Variants in TENM2 observed in about 807,000 individuals in gnomAD.
TENM2 encodes the protein teneurin transmembrane protein 2, also known as teneurin-2.
TENM2 carries 52 observed loss-of-function variants against 245.2 expected under a neutral mutation model. The ratio of observed to expected loss-of-function variants is 0.21; its 90% CI spans 0.17 to 0.27. The LOEUF (loss-of-function observed/expected upper bound fraction) is 0.27. Ranked by LOEUF, TENM2 falls within the 10% of genes least tolerant of loss-of-function variation. The pLI is 1.00. For missense variants in TENM2, 3,046 were observed against 3,666.8 expected, an observed-to-expected ratio of 0.83 and a Z score of 4.37; for synonymous variants, 1,363 against 1,438.9, an observed-to-expected ratio of 0.95 and a Z score of 1.19.
intron 1 of TENM2, among the ~76,000 whole-genome samples, chr5:167,343,881 A>G (rs1758278891): frequency 1.3e-5 from 2 of 152,206 alleles, no homozygotes; most frequent in South Asian, 2.1e-4. Flanking sequence ...GGGCAAATTC[A>G]CTGGGGAAAT....
the TENM2 span, among the ~76,000 whole-genome samples, chr5:166,988,808 C>T: frequency 6.6e-6 from 1 of 152,170 alleles, no homozygotes; most frequent in Non-Finnish European, 1.5e-5. Flanking sequence ...GCTGCTTGCA[C>T]AATGCCTGCA....
At chr5:167,095,832 G>A in the TENM2 span, among the ~76,000 whole-genome samples, 103 of 149,292 alleles carry the variant, frequency 6.9e-4, no homozygotes, top group African/African-American at 1.7e-3. Context: ...GTGCAATGGC[G>A]TGATCTCGGC....
At chr5:167,256,336 A>AC in the TENM2 span, among the ~76,000 whole-genome samples, 1 of 152,098 alleles carries the variant, frequency 6.6e-6, no homozygotes, top group African/African-American at 2.4e-5. Flanking sequence ...TCCAGTTGTT[A>AC]CCCCCATGAC....
chr5:168,260,061 C>T (rs1475956291), intron 27 of TENM2, among the ~76,000 whole-genome samples: 1 of 152,190 alleles, frequency 6.6e-6, no homozygotes. Context: ...TCTTCTTAAT[C>T]ACCACATGGT....
the TENM2 span, among the ~76,000 whole-genome samples, chr5:167,089,094 A>C: frequency 6.6e-6 from 1 of 152,226 alleles, no homozygotes; most frequent in Non-Finnish European, 1.5e-5. Flanking sequence ...TCAAATAAAA[A>C]TTTCTTGTAA....
chr5:167,077,252 G>A, the TENM2 span, among the ~76,000 whole-genome samples: 36 of 152,108 alleles, frequency 2.4e-4, no homozygotes, highest in African/African-American at 8.5e-4. Context: ...GGATGCCTGT[G>A]GTGTTTAAAC....
chr5:167,890,864 T>G (rs565489379), intron 3 of TENM2, among the ~76,000 whole-genome samples: 1 of 152,298 alleles, frequency 6.6e-6, no homozygotes, highest in Admixed American at 6.5e-5. Context: ...GCACACCATC[T>G]TTACTTTTAG....
At chr5:167,107,114 A>T in the TENM2 span, among the ~76,000 whole-genome samples, 2 of 148,128 alleles carry the variant, frequency 1.4e-5, no homozygotes, top group Admixed American at 6.8e-5. Context: ...AAAAAAAATT[A>T]GCCAGGCATG....
intron 2 of TENM2, among the ~76,000 whole-genome samples, chr5:167,705,672 A>G (rs772967456): frequency 3.9e-5 from 6 of 152,080 alleles, no homozygotes; most frequent in Non-Finnish European, 7.4e-5. Context: ...CTCCAAACTT[A>G]GTGATAATTT....
intron 2 of TENM2, among the ~76,000 whole-genome samples, chr5:167,462,658 C>G (rs1766390823): frequency 6.6e-6 from 1 of 151,990 alleles, no homozygotes; most frequent in Non-Finnish European, 1.5e-5. Flanking sequence ...TCTCAAAGTT[C>G]AGACATTCCT....
chr5:167,358,315 A>G lies in TENM2; in HGVS notation c.227-16883A>G, dbSNP rs575967794. Among the ~76,000 whole-genome samples, 312 of 152,278 alleles carry G rather than the reference A, an allele frequency of 2.0e-3. 1 individual carries two copies. Among genetic ancestry groups the G allele is most frequent in the African/African-American group, 7.1e-3 (294 of 41,554 alleles). ...TCACCAATGATTACTATGTTGCTAC[A>G]TCATAATTGTCCATTCTCAGTTCTC... On this transcript the variant is annotated intron_variant, in intron 1 of 28. Transcript: ENST00000518659.
At chr5:167,177,744 G>A in the TENM2 span, among the ~76,000 whole-genome samples, 2 of 152,142 alleles carry the variant, frequency 1.3e-5, no homozygotes, top group Middle Eastern at 6.3e-3. Context: ...TAGGAACACG[G>A]GAAAGGACTT....
the TENM2 span, among the ~76,000 whole-genome samples, chr5:167,180,103 CTT>C: frequency 7.0e-5 from 8 of 114,970 alleles, no homozygotes; most frequent in African/African-American, 1.7e-4. Flanking sequence ...TAAGTGCTTC[CTT>C]TTTTTTTTTT....
chr5:167,823,997 A>G (rs1378084932), intron 2 of TENM2, among the ~76,000 whole-genome samples: 1 of 152,054 alleles, frequency 6.6e-6, no homozygotes, highest in Non-Finnish European at 1.5e-5. Flanking sequence ...GGTGTGACCC[A>G]CCTTACCTAA....
In TENM2 at chr5:167,912,512, G is replaced by A. The variant is rs562661306; in HGVS notation, c.712+36317G>A. Among the ~76,000 whole-genome samples the A allele has an allele frequency of 2.0e-4, 31 of 152,242 alleles. No individual in the cohort carries two copies. The East Asian group carries it at 3.7e-3, about 18-fold the overall frequency. ...GGTAGCACATAGTAGTCACTCAGTC[G>A]ACACATGTTAACTGAATCAATTATA... On this transcript the variant is annotated intron_variant, in intron 3 of 28. Coordinates refer to ENST00000518659, the Ensembl canonical transcript of TENM2.
At chr5:168,039,997 C>T (rs1046398048) in intron 5 of TENM2, among the ~76,000 whole-genome samples, 2 of 152,152 alleles carry the variant, frequency 1.3e-5, no homozygotes, top group Non-Finnish European at 2.9e-5. Context: ...TCTCGTACCA[C>T]CTCCCACTCA....
intron 2 of TENM2, among the ~76,000 whole-genome samples, chr5:167,441,173 GTAT>G (rs1764860546): frequency 6.6e-6 from 1 of 152,102 alleles, no homozygotes. Context: ...GGTTTCCTAG[GTAT>G]TAATCTAATG....
At chr5:167,197,504 G>A in the TENM2 span, among the ~76,000 whole-genome samples, 1 of 152,010 alleles carries the variant, frequency 6.6e-6, no homozygotes, top group African/African-American at 2.4e-5. Context: ...ACTTTTTCCT[G>A]GGGCTGATAG....
rs768698642 is a variant in TENM2 at position 167,952,739 on chromosome 5, G to T, written c.864G>T (p.Ala288=). 5.0e-6 allele frequency: 8 copies of T among 1,594,526 alleles called. No homozygotes were observed. In the South Asian group the frequency reaches 9.1e-5, roughly 18 times the overall value. Residue 288 remains alanine (A), a synonymous_variant, in exon 4 of 29, where the codon GCG becomes GCT. Coordinates refer to ENST00000518659, the Ensembl canonical transcript of TENM2. ...GTCAGATCCACGCCCCGGCCCCAGC[G>T]CCCAATGACCTGGCCACCACACCAG...
Sources: allele counts gnomAD v4.1 joint callset (sites outside exome capture counted in the v4.1 genomes callset), GRCh38; gene constraint gnomAD v4.1.1; transcripts MANE v1.5; gene names NCBI Gene and HGNC (gene_info 2026-07-23, HGNC 2026-07-21).